Variants in CACNB4 observed in about 807,000 individuals in gnomAD.
The protein encoded by CACNB4 is calcium voltage-gated channel auxiliary subunit beta 4, also known as voltage-dependent L-type calcium channel subunit beta-4.
CACNB4 carries 32 observed loss-of-function variants against 71.2 expected under a neutral mutation model. The ratio of observed to expected loss-of-function variants is 0.45; its 90% CI spans 0.34 to 0.60. The LOEUF (loss-of-function observed/expected upper bound fraction) is 0.60. Among genes scored for constraint, CACNB4 ranks in the 20% least tolerant of loss-of-function variants. The pLI is 0.01. For missense variants in CACNB4, 464 were observed against 647.9 expected (o/e 0.72, Z 3.08); for synonymous variants, 231 against 236.9 (o/e 0.97, Z 0.23).
rs2099834793 is a variant in CACNB4, at chr2:151,835,914, A to G, written c.*3205T>C. The G allele has an allele frequency of 6.6e-6, 1 of 151,866 alleles. No individual in the cohort carries two copies. The highest frequency in any genetic ancestry group is 6.6e-5 in the Admixed American group (1 of 15,252). 9.4% of individuals were successfully genotyped at this position (151,866 alleles called of 1,614,324 possible). On this transcript the variant is annotated 3_prime_UTR_variant, in exon 14 of 14. Coordinates refer to ENST00000539935, the MANE Select transcript of CACNB4 (RefSeq NM_000726.5). ...ATAAAATTCATTTCATTAAAGACTA[A>G]CTGCAATGACTTATATAGTCACAAA...
At chr2:152,005,678 T>C (rs903331075) in intron 2 of CACNB4, among the ~76,000 whole-genome samples, 2 of 152,148 alleles carry the variant, frequency 1.3e-5, no homozygotes, top group Non-Finnish European at 2.9e-5. Flanking sequence ...AATGGAAACA[T>C]TTCTTAAATT....
chr2:152,098,561 A>ACAGCCCCCCCCCCCCCCCCCCCCCCCC lies in CACNB4; in HGVS notation c.64-149_64-148insGGGGGGGGGGGGGGGGGGGGGGGGCTG. 8.2e-7 allele frequency: 1 copy of ACAGCCCCCCCCCCCCCCCCCCCCCCCC among 1,223,626 alleles called. No homozygotes were observed. The highest frequency in any genetic ancestry group is 1.2e-6 in the Non-Finnish European group (1 of 847,634). 75.8% of individuals were successfully genotyped at this position (1,223,626 alleles called of 1,614,324 possible). On this transcript the variant is annotated intron_variant, in intron 1 of 13. Transcript: ENST00000539935. The surrounding 1 kb of genome is among the most constrained non-coding windows in gnomAD (Gnocchi z 5.3). Reference sequence around the variant, plus strand: ...CAAGTCTCCTCCGCGACTCCCAAATACAGCCCCCACCCCCACCCACCCACT... The same window carrying ACAGCCCCCCCCCCCCCCCCCCCCCCCC: ...CAAGTCTCCTCCGCGACTCCCAAATACAGCCCCCCCCCCCCCCCCCCCCCCCCCAGCCCCCACCCCCACCCACCCACT...
At chr2:152,045,005 G>GA (rs1260036148) in intron 2 of CACNB4, among the ~76,000 whole-genome samples, 1 of 152,150 alleles carries the variant, frequency 6.6e-6, no homozygotes, top group Non-Finnish European at 1.5e-5. Flanking sequence ...TTAGTGGAGA[G>GA]AAAGGAGGAT....
intron 2 of CACNB4, among the ~76,000 whole-genome samples, chr2:151,917,299 T>C (rs150456523): frequency 6.3e-4 from 96 of 152,272 alleles, no homozygotes; most frequent in African/African-American, 2.3e-3. Flanking sequence ...CAAAACCTGT[T>C]TGGCTCTTAG....
At chr2:152,023,248 T>A (rs112845833) in intron 2 of CACNB4, among the ~76,000 whole-genome samples, 10,389 of 152,014 alleles carry the variant, frequency 0.068, 1,181 homozygotes, top group African/African-American at 0.24. Flanking sequence ...ACTGCCCCCA[T>A]GATCCAATCA....
At chr2:151,864,816 G>C (rs910901809) in intron 9 of CACNB4, among the ~76,000 whole-genome samples, 1 of 152,158 alleles carries the variant, frequency 6.6e-6, no homozygotes, top group Admixed American at 6.5e-5. Context: ...AGTGTCCTCT[G>C]TTAATAAACA....
chr2:151,911,633 C>T (rs2099856193), intron 2 of CACNB4, among the ~76,000 whole-genome samples: 1 of 152,052 alleles, frequency 6.6e-6, no homozygotes, highest in Non-Finnish European at 1.5e-5. Context: ...GGCCTGAAGT[C>T]TTCTTTTTTT....
intron 2 of CACNB4, among the ~76,000 whole-genome samples, chr2:151,957,327 A>C (rs2151684546): frequency 7.0e-6 from 1 of 143,344 alleles, no homozygotes; most frequent in East Asian, 2.0e-4. Flanking sequence ...GATAAAATAT[A>C]TTGTGTTCAA....
chr2:151,894,427 G>T (rs552733242), intron 2 of CACNB4, among the ~76,000 whole-genome samples: 2 of 152,170 alleles, frequency 1.3e-5, no homozygotes, highest in East Asian at 3.9e-4. Context: ...GGGATAAAAG[G>T]AACATATATC....
intron 2 of CACNB4, among the ~76,000 whole-genome samples, chr2:152,095,443 G>A (rs1204916137): frequency 1.3e-5 from 2 of 151,810 alleles, no homozygotes; most frequent in East Asian, 3.9e-4. Context: ...GTAACACATC[G>A]ATTTTTTTTT....
At chr2:151,860,463 A>C in intron 10 of CACNB4, 1 of 519,986 alleles carries the variant, frequency 1.9e-6, no homozygotes. Flanking sequence ...GGAAAAGACT[A>C]GGAGAGCCCA....
intron 2 of CACNB4, among the ~76,000 whole-genome samples, chr2:152,024,794 G>A (rs766884173): frequency 3.0e-4 from 46 of 152,350 alleles, no homozygotes; most frequent in East Asian, 7.7e-4. Flanking sequence ...GGTGGCTCAC[G>A]CCTGTAATCC....
chr2:151,934,399 T>C (rs1378318591), intron 2 of CACNB4, among the ~76,000 whole-genome samples: 1 of 152,230 alleles, frequency 6.6e-6, no homozygotes, highest in Non-Finnish European at 1.5e-5. Context: ...TGCTTTATTT[T>C]TCAGCCAATC....
At chr2:151,894,263 G>C (rs536869101) in intron 2 of CACNB4, among the ~76,000 whole-genome samples, 26 of 152,244 alleles carry the variant, frequency 1.7e-4, no homozygotes, top group African/African-American at 6.0e-4. Flanking sequence ...TTTATCCCAG[G>C]GATGCAAGGA....
intron 2 of CACNB4, among the ~76,000 whole-genome samples, chr2:152,064,196 A>G (rs1686171993): frequency 6.6e-6 from 1 of 152,240 alleles, no homozygotes. Context: ...GTTGAAGTGC[A>G]TGAAGGGAGC....
rs200601925 is a variant in CACNB4 at position 152,076,141 on chromosome 2, T to C, written c.147+22189A>G. Among the ~76,000 whole-genome samples the C allele has an allele frequency of 1.6e-3, 202 of 129,112 alleles. 1 individual carries two copies. In the East Asian group the frequency reaches 0.038, roughly 24 times the overall value. The allele number at this position is 129,112 out of a possible 152,430, so 84.7% of individuals were successfully genotyped here. A position where few individuals can be genotyped will look rare whatever the true frequency, so the allele number is the denominator to read the frequency against. Reference sequence around the variant, plus strand: ...ATGTGATTACCACCTCTTTTCTTTTTTTTTTTTTTTTTTTTTTTTGAGACA... The same window carrying C: ...ATGTGATTACCACCTCTTTTCTTTTCTTTTTTTTTTTTTTTTTTTGAGACA... On this transcript the variant is annotated intron_variant, in intron 2 of 13. Coordinates refer to ENST00000539935, the MANE Select transcript of CACNB4 (RefSeq NM_000726.5).
intron 2 of CACNB4, among the ~76,000 whole-genome samples, chr2:151,975,528 G>A (rs748704010): frequency 2.0e-5 from 3 of 152,182 alleles, no homozygotes; most frequent in Non-Finnish European, 2.9e-5. Context: ...CCCATGGAGG[G>A]AGGACAGCAG....
intron 2 of CACNB4, among the ~76,000 whole-genome samples, chr2:152,007,205 A>G (rs1265799045): frequency 6.6e-6 from 1 of 152,210 alleles, no homozygotes; most frequent in Non-Finnish European, 1.5e-5. Flanking sequence ...ATGGGAAAAT[A>G]TGCATAACAA....
At chr2:151,861,990 A>T (rs1578506079) in intron 9 of CACNB4, among the ~76,000 whole-genome samples, 1 of 152,240 alleles carries the variant, frequency 6.6e-6, no homozygotes, top group East Asian at 1.9e-4. Context: ...ACTTCCAATT[A>T]TCTACCAGTA....
Sources: gnomAD v4.1 joint callset for allele counts (sites outside exome capture counted in the v4.1 genomes callset) on GRCh38, gnomAD v4.1.1 for gene constraint, Gnocchi (gnomAD v3.1) non-coding constraint, MANE v1.5 for transcripts, NCBI Gene and HGNC (gene_info 2026-07-23, HGNC 2026-07-21) for gene names.